The following PAX7 variants were observed in gnomAD, a reference collection of about 807,000 sequenced individuals.
The protein encoded by PAX7 is paired box 7.
A neutral mutation model predicts 50.7 loss-of-function variants in PAX7; 18 were observed. The observed-to-expected ratio is 0.36, with a 90% confidence interval of 0.25 to 0.53. PAX7 has a LOEUF of 0.53. PAX7 is among the 20% of genes least tolerant of loss of function. PAX7 has a pLI of 0.93. For missense variants in PAX7, 644 were observed against 702.9 expected, an observed-to-expected ratio of 0.92 and a Z score of 0.95; for synonymous variants, 310 against 290.4, an observed-to-expected ratio of 1.07 and a Z score of -0.69.
rs930704387 is a variant in PAX7 at position 18,745,281 on chromosome 1, A to T, written c.*352A>T. On this transcript the variant is annotated 3_prime_UTR_variant, in exon 9 of 9. Transcript: ENST00000420770. Reference sequence around the variant, plus strand: ...TGTCCAGAGGAGGATGGTGCCTGAGAGGAGGTCCTACAGCCCTTTGGACCC... The same window carrying T: ...TGTCCAGAGGAGGATGGTGCCTGAGTGGAGGTCCTACAGCCCTTTGGACCC... 4 of 327,420 alleles carry T rather than the reference A, an allele frequency of 1.2e-5. No individual in the cohort carries two copies. The highest frequency in any genetic ancestry group is 8.4e-5 in the African/African-American group (4 of 47,822). The allele number at this position is 327,420 out of a possible 1,614,324, so 20.3% of individuals were successfully genotyped here. A position where few individuals can be genotyped will look rare whatever the true frequency, so the allele number is the denominator to read the frequency against.
rs554252992 is a variant in PAX7, at chr1:18,735,443, G to A, written c.1156-189G>A. The stretch of plus-strand genomic sequence containing the variant: ...AGGACCCTCCTTCAAGAGAAACACC[G>A]AAGACCAGCAGCCATCCCATGCATG... On this transcript the variant is annotated intron_variant, in intron 7 of 8. Transcript: ENST00000420770. This position sits in a 1 kb window ranked among gnomAD's most constrained non-coding sequence, Gnocchi z 4.0. 3.2e-4 allele frequency among the ~76,000 whole-genome samples: 49 copies of A among 152,284 alleles called. No homozygotes were observed. Among genetic ancestry groups the A allele is most frequent in the African/African-American group, 1.1e-3 (45 of 41,542 alleles).
chr1:18,662,720 G>A (rs80106766), intron 4 of PAX7, among the ~76,000 whole-genome samples: 2 of 152,116 alleles, frequency 1.3e-5, no homozygotes, highest in East Asian at 1.9e-4. Context: ...ACAGGGACAC[G>A]CCATCATGCT....
At chr1:18,690,147 C>T (rs1267900432) in intron 4 of PAX7, among the ~76,000 whole-genome samples, 1 of 152,184 alleles carries the variant, frequency 6.6e-6, no homozygotes, top group Non-Finnish European at 1.5e-5. Context: ...GCATACCTAG[C>T]CTCTTCAGGT....
intron 8 of PAX7, among the ~76,000 whole-genome samples, chr1:18,739,098 C>T (rs1014137328): frequency 3.3e-5 from 5 of 152,220 alleles, no homozygotes; most frequent in African/African-American, 7.2e-5. Context: ...CAAGTTCATC[C>T]CACAGGGCAC....
In PAX7 at chr1:18,704,517, G is replaced by A. The variant is rs149233818; in HGVS notation, c.1155+1221G>A. On this transcript the variant is annotated intron_variant, in intron 7 of 8. Transcript: ENST00000420770. ...TGCCTGTAATTTCAGCTACTTGGGA[G>A]GCTGAGGCGAGAGAATCGCTTGAAC... is the stretch of plus-strand genomic sequence containing the variant. 1.7e-4 allele frequency among the ~76,000 whole-genome samples: 26 copies of A among 152,250 alleles called. No homozygotes were observed. The East Asian group carries it at 5.0e-3, about 29-fold the overall frequency.
intron 4 of PAX7, among the ~76,000 whole-genome samples, chr1:18,659,954 C>T (rs747816241): frequency 6.6e-6 from 1 of 152,282 alleles, no homozygotes; most frequent in African/African-American, 2.4e-5. Flanking sequence ...AAAAGCCCAG[C>T]GGGCCATGTG....
At chr1:18,714,047 C>G (rs1404533968) in intron 7 of PAX7, among the ~76,000 whole-genome samples, 2 of 152,000 alleles carry the variant, frequency 1.3e-5, no homozygotes, top group African/African-American at 4.8e-5. Flanking sequence ...CCCGTCTCTA[C>G]TAAAAATACA....
chr1:18,673,898 G>A (rs1317272857), intron 4 of PAX7, among the ~76,000 whole-genome samples: 2 of 152,212 alleles, frequency 1.3e-5, no homozygotes, highest in South Asian at 2.1e-4. Flanking sequence ...TCTGTGTGTT[G>A]GTTTAGAGTG....
At chr1:18,673,475 G>A (rs2088781827) in intron 4 of PAX7, among the ~76,000 whole-genome samples, 1 of 152,096 alleles carries the variant, frequency 6.6e-6, no homozygotes, top group South Asian at 2.1e-4. Context: ...ACCACCCCCT[G>A]CTAGTTTAAT....
chr1:18,703,284 C>T lies in PAX7; in HGVS notation c.1143C>T (p.Gly381=), dbSNP rs1009022796. ...ACCACATGAACCCGGTCAGCAACGGCCTGTCTCCTCAGGTAGGTGGTCTCA... is the reference window on the plus strand; with the variant it reads ...ACCACATGAACCCGGTCAGCAACGGTCTGTCTCCTCAGGTAGGTGGTCTCA... ...PSNHMNPVSN[G]LSPQVMSILG... Residue 381 remains glycine (G), a synonymous_variant, in exon 7 of 9, where the codon GGC becomes GGT. Coordinates refer to ENST00000420770, the MANE Select transcript of PAX7 (RefSeq NM_001135254.2). 1.7e-5 allele frequency: 28 copies of T among 1,613,908 alleles called. No individual in the cohort carries two copies. The highest frequency in any genetic ancestry group is 2.4e-5 in the Non-Finnish European group (28 of 1,180,024).
At chr1:18,642,697 T>C (rs1220483557) in intron 4 of PAX7, among the ~76,000 whole-genome samples, 2 of 150,888 alleles carry the variant, frequency 1.3e-5, no homozygotes, top group African/African-American at 4.9e-5. Context: ...CAGCGCTTTC[T>C]GACCTGCTCT....
rs1019255485 is a variant in PAX7 at position 18,631,194 on chromosome 1, A to G, written c.-410A>G. ...AGAGCGCGAGAGCGCGGCGCTCGCC[A>G]CTCTGAGGCTGGCGGCCTCGATTCC... On this transcript the variant is annotated 5_prime_UTR_variant, in exon 1 of 9. Transcript: ENST00000420770. The G allele has an allele frequency of 8.3e-6, 2 of 241,704 alleles. No individual in the cohort carries two copies. The highest frequency in any genetic ancestry group is 1.6e-5 in the Non-Finnish European group (2 of 124,116). The allele number at this position is 241,704 out of a possible 1,614,324, so 15.0% of individuals were successfully genotyped here.
In PAX7 at chr1:18,681,417, G is replaced by A. The variant is rs576125391; in HGVS notation, c.587-10337G>A. On this transcript the variant is annotated intron_variant, in intron 4 of 8. Transcript: ENST00000420770. Reference sequence around the variant, plus strand: ...CATCTCCCATATGTGCTTTGTGCTTGGTTCACAGCTTGGCGCAGAAGAAAG... The same window carrying A: ...CATCTCCCATATGTGCTTTGTGCTTAGTTCACAGCTTGGCGCAGAAGAAAG... Among the ~76,000 whole-genome samples the A allele has an allele frequency of 1.8e-4, 27 of 152,214 alleles. 1 individual carries two copies. In the South Asian group the frequency reaches 5.4e-3, roughly 30 times the overall value.
rs1028436131 is a variant in PAX7 at position 18,700,770 on chromosome 1, C to T, written c.904C>T (p.Pro302Ser). ...FPPTGMPTLP[P>S]YQLPDSTYPT... ...ACCCACCGGCATGCCCACGCTGCCC[C>T]CCTACCAGCTGCCGGACTCCACCTA... Residue 302 changes from proline to serine, a missense_variant, in exon 6 of 9, where the codon CCC (proline) becomes TCC (serine). Pro to Ser is a moderately conservative substitution (Grantham distance 74). Coordinates refer to ENST00000420770, the MANE Select transcript of PAX7 (RefSeq NM_001135254.2). This position sits in a 1 kb window ranked among gnomAD's most constrained non-coding sequence, Gnocchi z 4.8. The T allele has an allele frequency of 1.9e-6, 3 of 1,587,592 alleles. No homozygotes were observed. Among genetic ancestry groups the T allele is most frequent in the African/African-American group, 2.7e-5 (2 of 73,158 alleles).
intron 4 of PAX7, among the ~76,000 whole-genome samples, chr1:18,646,250 C>T (rs2088336035): frequency 6.6e-6 from 1 of 151,736 alleles, no homozygotes; most frequent in South Asian, 2.1e-4. Flanking sequence ...GGGGCTGAAC[C>T]TCCCTCTCTC....
At chr1:18,692,083 C>G in intron 5 of PAX7, 130 bp downstream of exon 5, 1 of 726,388 alleles carries the variant, frequency 1.4e-6, no homozygotes, top group Non-Finnish European at 2.3e-6. Context: ...GTTGTGTAGG[C>G]AAGTAATGCC....
At chr1:18,689,685 G>T (rs1054834423) in intron 4 of PAX7, among the ~76,000 whole-genome samples, 40 of 152,188 alleles carry the variant, frequency 2.6e-4, no homozygotes, top group African/African-American at 9.4e-4. Flanking sequence ...CCCTCCAGGC[G>T]CATGACCTCT....
chr1:18,661,170 C>G (rs1399239353), intron 4 of PAX7, among the ~76,000 whole-genome samples: 1 of 152,124 alleles, frequency 6.6e-6, no homozygotes, highest in Admixed American at 6.5e-5. Flanking sequence ...TGGGTCCATC[C>G]CTGCCCTCAG....
At chr1:18,684,068 G>A (rs770214081) in intron 4 of PAX7, among the ~76,000 whole-genome samples, 3 of 152,224 alleles carry the variant, frequency 2.0e-5, no homozygotes, top group South Asian at 4.1e-4. Context: ...GGCCTGACCC[G>A]CTGCAAACTG....
Sources: allele counts gnomAD v4.1 joint callset (sites outside exome capture counted in the v4.1 genomes callset), GRCh38; gene constraint gnomAD v4.1.1; non-coding constraint Gnocchi (gnomAD v3.1); transcripts MANE v1.5; gene names NCBI Gene and HGNC (gene_info 2026-07-23, HGNC 2026-07-21).